Variants in RRM2 observed in about 807,000 individuals in gnomAD.
RRM2 encodes the protein ribonucleoside-diphosphate reductase subunit M2.
A neutral mutation model predicts 45.9 loss-of-function variants in RRM2; 6 were observed. The ratio of observed to expected loss-of-function variants is 0.13; its 90% CI spans 0.07 to 0.26. The LOEUF (loss-of-function observed/expected upper bound fraction) is 0.26, where lower values mean the gene tolerates loss of function less well. Among genes scored for constraint, RRM2 ranks in the 10% least tolerant of loss-of-function variants. The pLI, the probability that RRM2 is intolerant of heterozygous loss-of-function variation, is 1.00. For synonymous variants in RRM2, 177 were observed against 173.0 expected (o/e 1.02, Z -0.18); for missense variants, 343 against 489.5 (o/e 0.70, Z 2.82).
At chr2:10,207,440 A>G (rs1255941491) in intron 3 of RRM2, among the ~76,000 whole-genome samples, 1 of 152,110 alleles carries the variant, frequency 6.6e-6, no homozygotes, top group Non-Finnish European at 1.5e-5. Flanking sequence ...AAAACATGAA[A>G]TGGTATCCTA....
chr2:10,156,261 C>T (rs545584844), intron 3 of RRM2: 1 of 152,346 alleles, frequency 6.6e-6, no homozygotes, highest in South Asian at 2.1e-4. Context: ...ATCACAAACT[C>T]ATAATGTTTT....
chr2:10,136,768 C>G (rs1049763321), upstream of RRM2, among the ~76,000 whole-genome samples: 4 of 152,146 alleles, frequency 2.6e-5, no homozygotes, highest in Non-Finnish European at 4.4e-5. Context: ...GCAAGACCCA[C>G]TCTTAAAAAC....
At chr2:10,190,318 TGTGATGGTGGTG>T (rs1182391883) in intron 3 of RRM2, among the ~76,000 whole-genome samples, 3 of 119,598 alleles carry the variant, frequency 2.5e-5, no homozygotes, top group African/African-American at 1.0e-4. Flanking sequence ...AGTGTGATGA[TGTGATGGTGGTG>T]GTGATGATGG....
upstream of RRM2, among the ~76,000 whole-genome samples, chr2:10,138,732 CA>C (rs754427765): frequency 7.9e-5 from 12 of 152,226 alleles, no homozygotes; most frequent in Middle Eastern, 3.2e-3. Context: ...AATCCAGGCC[CA>C]ACAGGCTTGT....
upstream of RRM2, among the ~76,000 whole-genome samples, chr2:10,140,303 T>G (rs1186292879): frequency 6.6e-6 from 1 of 152,212 alleles, no homozygotes; most frequent in Non-Finnish European, 1.5e-5. Flanking sequence ...GAAGATTCTA[T>G]GAAATTCAAA....
intron 3 of RRM2, among the ~76,000 whole-genome samples, chr2:10,203,013 G>A (rs567855829): frequency 2.3e-4 from 35 of 152,320 alleles, no homozygotes; most frequent in African/African-American, 8.2e-4. Context: ...AACAGTGAGC[G>A]TTCAGGCTGC....
chr2:10,201,342 T>G (rs2357468), intron 3 of RRM2, among the ~76,000 whole-genome samples: 61,343 of 151,884 alleles, frequency 0.4, 13,276 homozygotes, highest in Non-Finnish European at 0.48. Context: ...TGTTGATAGC[T>G]CAAAAGAAAA....
At chr2:10,190,451 GA>G (rs1382446470) in intron 3 of RRM2, among the ~76,000 whole-genome samples, 16 of 83,886 alleles carry the variant, frequency 1.9e-4, no homozygotes, top group African/African-American at 5.7e-4. Flanking sequence ...ATGATGATGT[GA>G]TGATGGTGGT....
intron 3 of RRM2, among the ~76,000 whole-genome samples, chr2:10,174,142 T>C (rs889527097): frequency 3.9e-5 from 6 of 152,182 alleles, no homozygotes; most frequent in Non-Finnish European, 7.4e-5. Flanking sequence ...CGTGAGGACA[T>C]GGGGAGGAGG....
chr2:10,136,772 TAAAAAC>T (rs1260155122), upstream of RRM2, among the ~76,000 whole-genome samples: 1 of 152,106 alleles, frequency 6.6e-6, no homozygotes, highest in Non-Finnish European at 1.5e-5. Context: ...GACCCACTCT[TAAAAAC>T]AAATACCCTG....
At chr2:10,155,132 C>T in intron 3 of RRM2, 1 of 321,076 alleles carries the variant, frequency 3.1e-6, no homozygotes. Flanking sequence ...GAACAGACCA[C>T]AAGGAAGACA....
chr2:10,170,174 C>T (rs550938213), intron 3 of RRM2, among the ~76,000 whole-genome samples: 4 of 152,320 alleles, frequency 2.6e-5, no homozygotes, highest in African/African-American at 9.6e-5. Context: ...CCCCTTGAGC[C>T]GCCTCTACCT....
At chr2:10,167,375 T>C (rs1009883056) in intron 3 of RRM2, among the ~76,000 whole-genome samples, 4 of 152,226 alleles carry the variant, frequency 2.6e-5, no homozygotes, top group Admixed American at 2.6e-4. Context: ...AATGCCCTGC[T>C]GCTGAGGTCT....
intron 3 of RRM2, among the ~76,000 whole-genome samples, chr2:10,156,454 G>C (rs970731395): frequency 6.6e-6 from 1 of 152,204 alleles, no homozygotes; most frequent in African/African-American, 2.4e-5. Context: ...GTCCTGGGCA[G>C]TGGGGTCCTC....
chr2:10,181,832 A>G (rs1488817384), intron 3 of RRM2, among the ~76,000 whole-genome samples: 1 of 130,248 alleles, frequency 7.7e-6, no homozygotes, highest in Non-Finnish European at 1.5e-5. Flanking sequence ...TGTTGCGATC[A>G]TGGCTCACTG....
Position 10,169,656 on chromosome 2 carries a change from G to T in RRM2, n.482+27281G>T, listed in dbSNP as rs1343623258. On this transcript the variant is annotated intron_variant and non_coding_transcript_variant, in intron 3 of 3. Coordinates refer to the RRM2 transcript ENST00000381786. The surrounding 1 kb of genome is among the most constrained non-coding windows in gnomAD (Gnocchi z 5.1). ...TGGCAGGCACGGCCACAGAATATGC[G>T]CCCCTTTCCTGGCCCCCTCGAGGTC... is the stretch of plus-strand genomic sequence containing the variant. Among the ~76,000 whole-genome samples the T allele has an allele frequency of 1.3e-5, 2 of 152,118 alleles. No individual in the cohort carries two copies. The highest frequency in any genetic ancestry group is 6.5e-5 in the Admixed American group (1 of 15,276).
chr2:10,185,830 ATCT>A lies in RRM2; in HGVS notation n.483-24477_483-24475del, dbSNP rs1043159855. On this transcript the variant is annotated intron_variant and non_coding_transcript_variant, in intron 3 of 3. Coordinates refer to the RRM2 transcript ENST00000381786. This position sits in a 1 kb window ranked among gnomAD's most constrained non-coding sequence, Gnocchi z 4.3. Reference sequence around the variant, plus strand: ...AATCTCTACTCTGACCCTCAGTCTCATCTTCTGGGTGACCGAAGATGGGGCAGT... The same window carrying A: ...AATCTCTACTCTGACCCTCAGTCTCATCTGGGTGACCGAAGATGGGGCAGT... Among the ~76,000 whole-genome samples the A allele has an allele frequency of 6.6e-6, 1 of 150,564 alleles. No homozygotes were observed. The highest frequency in any genetic ancestry group is 2.5e-5 in the African/African-American group (1 of 40,778).
chr2:10,138,355 C>T (rs942427501), upstream of RRM2, among the ~76,000 whole-genome samples: 3 of 152,016 alleles, frequency 2.0e-5, no homozygotes, highest in African/African-American at 7.2e-5. Flanking sequence ...TTAGTAGAGA[C>T]GGGGTTTCTG....
chr2:10,124,075 G>T, intron 4 of RRM2: 1 of 516,128 alleles, frequency 1.9e-6, no homozygotes, highest in Non-Finnish European at 3.4e-6. Flanking sequence ...GTAGCAATGT[G>T]ATGACTCTTT....
Sources: allele counts gnomAD v4.1 joint callset (sites outside exome capture counted in the v4.1 genomes callset), GRCh38; gene constraint gnomAD v4.1.1; non-coding constraint Gnocchi (gnomAD v3.1); transcripts MANE v1.5; gene names NCBI Gene and HGNC (gene_info 2026-07-23, HGNC 2026-07-21).